The following NCAM1 variants were observed in gnomAD, a reference collection of about 807,000 sequenced individuals.
The protein encoded by NCAM1 is neural cell adhesion molecule 1, also known as antigen recognized by monoclonal antibody 5.1H11.
Under a neutral mutation model 109.8 loss-of-function variants are expected in NCAM1, and 14 were observed. The observed-to-expected ratio is 0.13, with a 90% CI of 0.08 to 0.20. NCAM1 has a LOEUF of 0.20. NCAM1 is among the 10% of genes least tolerant of loss of function. The pLI is 1.00. For missense variants in NCAM1, 774 were observed against 1,109.9 expected, an observed-to-expected ratio of 0.70 and a Z score of 4.30; for synonymous variants, 418 against 442.9, an observed-to-expected ratio of 0.94 and a Z score of 0.70.
chr11:113,058,696 A>G (rs1210757265), intron 1 of NCAM1, among the ~76,000 whole-genome samples: 1 of 152,184 alleles, frequency 6.6e-6, no homozygotes, highest in Non-Finnish European at 1.5e-5. Flanking sequence ...AAAAACTATT[A>G]AGAGTAGAGT....
At chr11:113,164,034 G>C (rs1591378685) in intron 1 of NCAM1, among the ~76,000 whole-genome samples, 1 of 152,154 alleles carries the variant, frequency 6.6e-6, no homozygotes. Flanking sequence ...AGGTTGGATG[G>C]AGCATCCTCC....
At chr11:112,972,887 C>T (rs932482733) in intron 1 of NCAM1, among the ~76,000 whole-genome samples, 2 of 151,994 alleles carry the variant, frequency 1.3e-5, no homozygotes, top group Non-Finnish European at 2.9e-5. Flanking sequence ...TGGGTGACGG[C>T]CTCATCATGA....
chr11:113,255,882 C>A lies in NCAM1; in HGVS notation c.1834C>A (p.Pro612Thr). The change falls in exon 16 of 20, where the codon CCC becomes ACC. Residue 612 changes from proline (P) to threonine (T), a missense_variant. Physicochemically the swap from Pro to Thr is conservative, Grantham distance 38. Transcript: ENST00000316851. ...GAATTAACTGGCTGTTTCAGGGGAA[C>A]CCAGTGCACCTAAGCTCGAAGGGCA... The part of the protein sequence containing the change: ...EFKTQPVQGE[P>T]SAPKLEGQMG... 1 of 1,612,474 alleles carries A rather than the reference C, an allele frequency of 6.2e-7. No homozygotes were observed. Among genetic ancestry groups the A allele is most frequent in the Non-Finnish European group, 8.5e-7 (1 of 1,179,406 alleles).
intron 8 of NCAM1, among the ~76,000 whole-genome samples, chr11:113,218,417 G>A (rs782517054): frequency 2.3e-4 from 35 of 152,160 alleles, no homozygotes; most frequent in Admixed American, 1.9e-3. Flanking sequence ...TACAATATTA[G>A]CAAGTTAAAG....
chr11:113,028,536 C>T (rs1418508545), intron 1 of NCAM1, among the ~76,000 whole-genome samples: 2 of 151,682 alleles, frequency 1.3e-5, no homozygotes, highest in Non-Finnish European at 2.9e-5. Flanking sequence ...AAAGTTGTCT[C>T]GAGATGGAAA....
Position 113,025,777 on chromosome 11 carries a change from C to CTG in NCAM1, c.52+64113_52+64114insTG, listed in dbSNP as rs1565390217. ...AATGAGATTGGAACGACACAGGGAG[C>CTG]CGAGAGAGAGAGAGAGAGAGAGAGA... On this transcript the variant is annotated intron_variant, in intron 1 of 19. Transcript: ENST00000316851. 3.4e-4 allele frequency among the ~76,000 whole-genome samples: 16 copies of CTG among 46,430 alleles called. 1 individual carries two copies. Among genetic ancestry groups the CTG allele is most frequent in the Middle Eastern group, 0.029 (2 of 68 alleles). 30.5% of individuals were successfully genotyped at this position (46,430 alleles called of 152,430 possible).
At chr11:112,998,605 T>C (rs1473599942) in intron 1 of NCAM1, among the ~76,000 whole-genome samples, 1 of 152,104 alleles carries the variant, frequency 6.6e-6, no homozygotes, top group African/African-American at 2.4e-5. Flanking sequence ...CTGCTTGTGT[T>C]CACTGCCATT....
chr11:113,101,025 A>G (rs2135861018), intron 1 of NCAM1, among the ~76,000 whole-genome samples: 1 of 152,308 alleles, frequency 6.6e-6, no homozygotes, highest in African/African-American at 2.4e-5. Flanking sequence ...TGTTCTGCTC[A>G]GTTCTCCTTG....
intron 5 of NCAM1, among the ~76,000 whole-genome samples, 154 bp downstream of exon 5, chr11:113,206,334 A>ATTTC (rs1944237554): frequency 7.2e-6 from 1 of 139,632 alleles, no homozygotes; most frequent in Non-Finnish European, 1.5e-5. Flanking sequence ...TAACATCTAG[A>ATTTC]TTTCTTTTTT....
chr11:113,167,219 G>A (rs1234313978), intron 1 of NCAM1, among the ~76,000 whole-genome samples: 1 of 152,156 alleles, frequency 6.6e-6, no homozygotes. Context: ...CCTTCAATTT[G>A]CCTCATTTCT....
At chr11:113,241,158 A>G (rs1476685027) in intron 14 of NCAM1, among the ~76,000 whole-genome samples, 6 of 152,182 alleles carry the variant, frequency 3.9e-5, no homozygotes, top group Admixed American at 6.5e-5. Flanking sequence ...GTATTTGGAG[A>G]AGCCAAAGGA....
chr11:113,263,804 G>A (rs1946072662), intron 17 of NCAM1: 9 of 985,454 alleles, frequency 9.1e-6, no homozygotes, highest in Non-Finnish European at 1.1e-5. Context: ...CTGTGAACCA[G>A]GCATTAGTCC....
chr11:113,217,012 G>A (rs1412598100), intron 8 of NCAM1, among the ~76,000 whole-genome samples: 1 of 152,146 alleles, frequency 6.6e-6, no homozygotes, highest in African/African-American at 2.4e-5. Context: ...TTGTAGGAGT[G>A]GAAAACAACC....
At chr11:113,193,778 T>C (rs1259321559) in intron 1 of NCAM1, among the ~76,000 whole-genome samples, 1 of 152,170 alleles carries the variant, frequency 6.6e-6, no homozygotes, top group African/African-American at 2.4e-5. Context: ...AGTGAGAGCC[T>C]GGGAACCACA....
Position 113,232,335 on chromosome 11 carries a change from C to G in NCAM1, c.1406C>G (p.Pro469Arg). The G allele has an allele frequency of 1.9e-6, 3 of 1,610,930 alleles. 1 individual carries two copies. The highest frequency in any genetic ancestry group is 2.2e-5 in the South Asian group (2 of 90,444). The change falls in exon 11 of 20, where the codon CCC becomes CGC. Residue 469 changes from proline to arginine, a missense_variant. Physicochemically the swap from Pro to Arg is moderately radical, Grantham distance 103. Around this residue, in one of 4 missense-constraint regions of NCAM1, gnomAD observed 523 missense variants for 784.2 expected, o/e 0.67. Transcript: ENST00000316851. The stretch of plus-strand genomic sequence containing the variant: ...AGCAATATCAAGATCTACAACACCC[C>G]CTCTGCCAGCTATCTGGAGGTGAGT... ...NYSNIKIYNT[P>R]SASYLEVTPD...
At chr11:113,044,380 C>T (rs1489954434) in intron 1 of NCAM1, among the ~76,000 whole-genome samples, 9 of 152,108 alleles carry the variant, frequency 5.9e-5, no homozygotes, top group African/African-American at 2.2e-4. Flanking sequence ...TACACACATA[C>T]ATGCTGTAAA....
intron 1 of NCAM1, among the ~76,000 whole-genome samples, chr11:113,082,441 A>G (rs1378504046): frequency 5.3e-5 from 8 of 152,306 alleles, no homozygotes; most frequent in Admixed American, 6.5e-5. Flanking sequence ...GGCTTAGTGG[A>G]AATTTTTGTC....
intron 1 of NCAM1, among the ~76,000 whole-genome samples, chr11:113,078,518 A>G (rs1456122155): frequency 1.3e-5 from 2 of 152,138 alleles, no homozygotes; most frequent in African/African-American, 4.8e-5. Context: ...GGGTATAGTA[A>G]CTATAGAAAG....
At chr11:113,214,894 G>A (rs1238397585) in intron 8 of NCAM1, among the ~76,000 whole-genome samples, 1 of 152,144 alleles carries the variant, frequency 6.6e-6, no homozygotes, top group African/African-American at 2.4e-5. Context: ...AGATCTCCCA[G>A]AAATAACCAG....
Sources: allele counts gnomAD v4.1 joint callset (sites outside exome capture counted in the v4.1 genomes callset), GRCh38; gene constraint gnomAD v4.1.1; regional missense constraint gnomAD v4.1.1; transcripts MANE v1.5; gene names NCBI Gene and HGNC (gene_info 2026-07-23, HGNC 2026-07-21).